Variants in CTNNA1 observed in about 807,000 individuals in gnomAD.
CTNNA1 encodes catenin alpha 1.
CTNNA1 carries 37 observed loss-of-function variants against 98.4 expected under a neutral mutation model. The observed-to-expected ratio is 0.38, with a 90% CI of 0.29 to 0.49. The LOEUF is 0.49. Ranked by LOEUF, CTNNA1 falls within the 20% of genes least tolerant of loss-of-function variation. The probability of loss-of-function intolerance (pLI) is 0.95; values close to 1 mark genes in which losing one functional copy is unlikely to be tolerated. For synonymous variants in CTNNA1, 404 were observed against 413.2 expected, an observed-to-expected ratio of 0.98 and a Z score of 0.27; for missense variants, 761 against 1,147.2, an observed-to-expected ratio of 0.66 and a Z score of 4.86.
chr5:138,875,497 A>G, intron 7 of CTNNA1: 4 of 985,490 alleles, frequency 4.1e-6, no homozygotes, highest in Non-Finnish European at 4.8e-6. Context: ...CAATAAAGCG[A>G]GAAAGAAGAA....
intron 11 of CTNNA1, among the ~76,000 whole-genome samples, chr5:138,920,329 T>A (rs10056014): frequency 0.34 from 52,196 of 152,028 alleles, 9,762 homozygotes; most frequent in African/African-American, 0.5. Flanking sequence ...TCCCCATCGC[T>A]CCTGACACAC....
chr5:138,794,375 T>G (rs1756707817), intron 3 of CTNNA1, among the ~76,000 whole-genome samples: 1 of 152,196 alleles, frequency 6.6e-6, no homozygotes, highest in South Asian at 2.1e-4. Context: ...AAAAAACAAC[T>G]GCATCCCAGA....
chr5:138,817,022 A>T (rs1266852533), intron 5 of CTNNA1, among the ~76,000 whole-genome samples: 1 of 152,138 alleles, frequency 6.6e-6, no homozygotes, highest in East Asian at 1.9e-4. Flanking sequence ...TTTTAAAATC[A>T]GATTATTTGA....
At chr5:138,885,475 T>C (rs900624547) in intron 7 of CTNNA1, among the ~76,000 whole-genome samples, 1 of 152,156 alleles carries the variant, frequency 6.6e-6, no homozygotes, top group African/African-American at 2.4e-5. Flanking sequence ...AAAAAAGACT[T>C]TTGTTCCTTT....
chr5:138,854,743 T>C (rs574804254), intron 7 of CTNNA1, among the ~76,000 whole-genome samples: 2 of 152,234 alleles, frequency 1.3e-5, no homozygotes, highest in Non-Finnish European at 2.9e-5. Flanking sequence ...TTGTTTCCCC[T>C]TATTCTCTGT....
At chr5:138,842,703 A>G (rs28363425) in intron 7 of CTNNA1, among the ~76,000 whole-genome samples, 5,472 of 152,316 alleles carry the variant, frequency 0.036, 260 homozygotes, top group African/African-American at 0.11. Flanking sequence ...TTAGCGTTGC[A>G]GTAATGGAAC....
intron 3 of CTNNA1, among the ~76,000 whole-genome samples, chr5:138,803,617 G>C (rs1474120831): frequency 1.3e-5 from 2 of 152,048 alleles, no homozygotes; most frequent in African/African-American, 2.4e-5. Flanking sequence ...TCTTTGACTT[G>C]GTGTTCCCTC....
In CTNNA1 at chr5:138,932,729, C is replaced by T. The variant is rs749721936; in HGVS notation, c.2433+17C>T. ...GTCTCTGGGGTAAGCATTAGCTGAA[C>T]AAAAAGAGGGCCAGTGGGAACGTGC... On this transcript the variant is annotated intron_variant, in intron 17 of 17. Transcript: ENST00000302763. 5.0e-6 allele frequency: 8 copies of T among 1,613,204 alleles called. No individual in the cohort carries two copies. The East Asian group carries it at 1.8e-4, about 36-fold the overall frequency.
intron 10 of CTNNA1, among the ~76,000 whole-genome samples, chr5:138,912,008 A>G (rs1760733688): frequency 6.6e-6 from 1 of 152,200 alleles, no homozygotes; most frequent in South Asian, 2.1e-4. Context: ...AGTTTTGGAC[A>G]TGTTATTTTT....
chr5:138,793,646 T>TG (rs1173814687), intron 3 of CTNNA1, among the ~76,000 whole-genome samples: 1 of 152,246 alleles, frequency 6.6e-6, no homozygotes, highest in Non-Finnish European at 1.5e-5. Flanking sequence ...ACCATGATGT[T>TG]GCAGTAACAT....
At chr5:138,823,753 C>A (rs954355759) in intron 5 of CTNNA1, among the ~76,000 whole-genome samples, 4 of 151,596 alleles carry the variant, frequency 2.6e-5, no homozygotes, top group Non-Finnish European at 4.4e-5. Context: ...GTCAGGAGAT[C>A]GAGGCCATCC....
rs764563953 is a variant in CTNNA1, at chr5:138,934,063, G to C, written c.2695G>C (p.Glu899Gln). 1 of 1,613,094 alleles carries C rather than the reference G, an allele frequency of 6.2e-7. No individual in the cohort carries two copies. Among genetic ancestry groups the C allele is most frequent in the Non-Finnish European group, 8.5e-7 (1 of 1,179,974 alleles). The stretch of plus-strand genomic sequence containing the variant: ...CGTGAACCCGGTGCAGGCCCTCAGC[G>C]AGTTCAAAGCTATGGACAGCATCTA... ...KHVNPVQALS[E>Q]FKAMDSI The change falls in exon 18 of 18, where the codon GAG (glutamate) becomes CAG (glutamine). Residue 899 changes from glutamate to glutamine, a missense_variant. By Grantham distance (29) the Glu-to-Gln change is conservative. Coordinates refer to ENST00000302763, the MANE Select transcript of CTNNA1 (RefSeq NM_001903.5).
At chr5:138,875,304 T>G (rs1751238451) in intron 7 of CTNNA1, 2 of 775,660 alleles carry the variant, frequency 2.6e-6, no homozygotes, top group African/African-American at 1.9e-5. Flanking sequence ...GTGCATTTAC[T>G]GAAAAGCTTT....
intron 3 of CTNNA1, among the ~76,000 whole-genome samples, chr5:138,800,065 T>G (rs1757408226): frequency 6.6e-6 from 1 of 152,060 alleles, no homozygotes; most frequent in Non-Finnish European, 1.5e-5. Context: ...CCCAGCTAAA[T>G]TTAGTATTTT....
At chr5:138,875,874 C>A in intron 7 of CTNNA1, 1 of 269,666 alleles carries the variant, frequency 3.7e-6, no homozygotes, top group Non-Finnish European at 5.7e-6. Context: ...TGTTTGTCAT[C>A]AAGAGCTTAA....
intron 10 of CTNNA1, chr5:138,904,880 G>T (rs1758847444): frequency 6.6e-6 from 1 of 152,428 alleles, no homozygotes; most frequent in Non-Finnish European, 1.5e-5. Context: ...GGATCACGAG[G>T]TCAGGAGATC....
At chr5:138,894,167 C>T (rs1756173207) in intron 9 of CTNNA1, among the ~76,000 whole-genome samples, 1 of 151,916 alleles carries the variant, frequency 6.6e-6, no homozygotes, top group South Asian at 2.1e-4. Context: ...GATCCACCCG[C>T]CTCAGCCTCC....
intron 1 of CTNNA1, among the ~76,000 whole-genome samples, chr5:138,769,194 T>C (rs1753258075): frequency 6.6e-6 from 1 of 151,984 alleles, no homozygotes; most frequent in Non-Finnish European, 1.5e-5. Flanking sequence ...GCCTGGCTCC[T>C]TCTTGTTTTC....
chr5:138,785,739 T>TTAGTA lies in CTNNA1; in HGVS notation c.301+2377_301+2381dup, dbSNP rs141729862. Among the ~76,000 whole-genome samples the TTAGTA allele has an allele frequency of 3.2e-3, 482 of 152,192 alleles. 2 individuals are homozygous for TTAGTA. Among genetic ancestry groups the TTAGTA allele is most frequent in the African/African-American group, 0.011 (453 of 41,504 alleles). On this transcript the variant is annotated intron_variant, in intron 3 of 17. Transcript: ENST00000302763. ...CCACACCCAGCTAATTTTTGTATTT[T>TTAGTA]TAGTATAGTATAGTGTAGTGTAGTG...
Sources: allele counts gnomAD v4.1 joint callset (sites outside exome capture counted in the v4.1 genomes callset), GRCh38; gene constraint gnomAD v4.1.1; transcripts MANE v1.5; gene names NCBI Gene and HGNC (gene_info 2026-07-23, HGNC 2026-07-21).